CALN1: variants seen among roughly 807,000 people sequenced by gnomAD.
The protein encoded by CALN1 is calneuron 1.
In CALN1, 17 loss-of-function variants were observed where a neutral mutation model predicts 30.6. That is an observed-to-expected ratio of 0.56 (90% CI 0.38 to 0.83). The LOEUF (loss-of-function observed/expected upper bound fraction) is 0.83. Ranked by LOEUF, CALN1 falls within the 40% of genes least tolerant of loss-of-function variation. The pLI, the probability that CALN1 is intolerant of heterozygous loss-of-function variation, is 0.00. For missense variants in CALN1, 291 were observed against 354.9 expected, an observed-to-expected ratio of 0.82 and a Z score of 1.45; for synonymous variants, 156 against 131.4, an observed-to-expected ratio of 1.19 and a Z score of -1.28.
rs1236906139 is a variant in CALN1 at position 72,308,373 on chromosome 7, GAGAGAGAGA to G, written c.120-29572_120-29564del. 1.2e-3 allele frequency among the ~76,000 whole-genome samples: 22 copies of G among 18,496 alleles called. 1 individual carries two copies. The highest frequency in any genetic ancestry group is 3.6e-3 in the African/African-American group (22 of 6,116). The allele number at this position is 18,496 out of a possible 152,430, so 12.1% of individuals were successfully genotyped here. A position where few individuals can be genotyped will look rare whatever the true frequency, so the allele number is the denominator to read the frequency against. ...AGTGAGATGCTGTCTGTGGGGGGGG[GAGAGAGAGA>G]GAGAGAGAGAGAGAGAGAGAGAGGA... On this transcript the variant is annotated intron_variant, in intron 2 of 6. Coordinates refer to ENST00000395275, the MANE Select transcript of CALN1 (RefSeq NM_031468.4).
At chr7:72,218,145 A>T (rs1562754018) in intron 3 of CALN1, among the ~76,000 whole-genome samples, 2 of 151,358 alleles carry the variant, frequency 1.3e-5, no homozygotes, top group Non-Finnish European at 2.9e-5. Flanking sequence ...CTCCGCCAAA[A>T]TTTTTTTTAA....
chr7:71,814,642 C>T (rs1457302738), intron 5 of CALN1, among the ~76,000 whole-genome samples: 2 of 152,128 alleles, frequency 1.3e-5, no homozygotes, highest in African/African-American at 2.4e-5. Context: ...CCAACACCTC[C>T]TCTTCCTCCT....
At chr7:72,365,490 G>A (rs1803824949) in intron 2 of CALN1, among the ~76,000 whole-genome samples, 1 of 152,120 alleles carries the variant, frequency 6.6e-6, no homozygotes, top group South Asian at 2.1e-4. Context: ...TTGTCACCCA[G>A]GCTGGAGTGC....
chr7:72,318,564 G>A (rs1208740098), intron 2 of CALN1, among the ~76,000 whole-genome samples: 3 of 151,994 alleles, frequency 2.0e-5, no homozygotes, highest in Non-Finnish European at 4.4e-5. Context: ...CTTTTGAGAT[G>A]GTGTCTTGCT....
At chr7:72,211,788 C>T (rs1213085801) in intron 3 of CALN1, among the ~76,000 whole-genome samples, 3 of 152,032 alleles carry the variant, frequency 2.0e-5, no homozygotes, top group Non-Finnish European at 4.4e-5. Flanking sequence ...TGGGGTCAGG[C>T]CTGGGTTTGA....
chr7:71,805,680 C>G (rs1239729924), intron 6 of CALN1, among the ~76,000 whole-genome samples: 1 of 152,132 alleles, frequency 6.6e-6, no homozygotes, highest in Non-Finnish European at 1.5e-5. Flanking sequence ...AACTTGCTTC[C>G]TCATAGGCGT....
At chr7:71,835,876 G>A (rs538864295) in intron 5 of CALN1, among the ~76,000 whole-genome samples, 1 of 152,230 alleles carries the variant, frequency 6.6e-6, no homozygotes, top group Admixed American at 6.5e-5. Context: ...TTATATGTGG[G>A]GACAGCTGGG....
chr7:72,315,497 G>A lies in CALN1; in HGVS notation c.120-36687C>T, dbSNP rs921889593. On this transcript the variant is annotated intron_variant, in intron 2 of 6. Coordinates refer to ENST00000395275, the MANE Select transcript of CALN1 (RefSeq NM_031468.4). ...CGAGGCGGGAAGATCACTTGAACCC[G>A]GGAGTTCGGGACCAGCCTGGAAAAC... 5.3e-5 allele frequency among the ~76,000 whole-genome samples: 8 copies of A among 152,032 alleles called. No homozygotes were observed. The East Asian group carries it at 9.7e-4, about 18-fold the overall frequency.
In CALN1 at chr7:71,782,579, C is replaced by T. The variant is rs775290724; in HGVS notation, c.*5196G>A. On this transcript the variant is annotated 3_prime_UTR_variant, in exon 7 of 7. Coordinates refer to ENST00000395275, the MANE Select transcript of CALN1 (RefSeq NM_031468.4). ...GCAGGGCCAAAAAATTGAGGACAAT[C>T]CCGAGTGACTTAGTCAAAGCAAGTA... 3.9e-5 allele frequency: 6 copies of T among 152,066 alleles called. No homozygotes were observed. Among genetic ancestry groups the T allele is most frequent in the Non-Finnish European group, 8.8e-5 (6 of 68,006 alleles). 9.4% of individuals were successfully genotyped at this position (152,066 alleles called of 1,614,324 possible).
chr7:72,445,817 C>T (rs957319857), intron 1 of CALN1, among the ~76,000 whole-genome samples: 1 of 152,122 alleles, frequency 6.6e-6, no homozygotes, highest in African/African-American at 2.4e-5. Context: ...TAGCTGCAAA[C>T]GCGGTAACTA....
chr7:72,396,249 A>G (rs796284095), intron 2 of CALN1, among the ~76,000 whole-genome samples: 63 of 102,824 alleles, frequency 6.1e-4, no homozygotes, highest in African/African-American at 3.1e-3. Flanking sequence ...AAAAAAAAAA[A>G]AAAAAAAAGA....
At chr7:72,093,675 T>A (rs1353191628) in intron 4 of CALN1, among the ~76,000 whole-genome samples, 4 of 152,120 alleles carry the variant, frequency 2.6e-5, no homozygotes, top group Non-Finnish European at 5.9e-5. Context: ...AACACCCTTG[T>A]AAGAACAAAC....
intron 5 of CALN1, among the ~76,000 whole-genome samples, chr7:71,977,642 A>G (rs1798165096): frequency 6.6e-6 from 1 of 152,062 alleles, no homozygotes; most frequent in South Asian, 2.1e-4. Context: ...ACAAAAAGCA[A>G]TGCAAAGAGC....
intron 2 of CALN1, among the ~76,000 whole-genome samples, chr7:72,295,445 G>A (rs561027762): frequency 0.031 from 4,765 of 151,798 alleles, 237 homozygotes; most frequent in African/African-American, 0.11. Flanking sequence ...TCTGTAAATT[G>A]CCTTGGGCAG....
chr7:72,117,643 T>G (rs1808080395), intron 3 of CALN1, among the ~76,000 whole-genome samples: 1 of 152,024 alleles, frequency 6.6e-6, no homozygotes, highest in Non-Finnish European at 1.5e-5. Context: ...GATTTTATTT[T>G]TGGTTTACAT....
intron 2 of CALN1, among the ~76,000 whole-genome samples, chr7:72,350,307 T>TCTAC (rs1485934493): frequency 6.6e-6 from 1 of 152,176 alleles, no homozygotes; most frequent in Non-Finnish European, 1.5e-5. Flanking sequence ...TATGAATCGT[T>TCTAC]CTACCATAAA....
intron 2 of CALN1, among the ~76,000 whole-genome samples, chr7:72,292,683 T>C (rs1251349152): frequency 6.6e-6 from 1 of 151,140 alleles, no homozygotes; most frequent in African/African-American, 2.4e-5. Flanking sequence ...TAGCCAGGCA[T>C]GGTGGCGCAT....
intron 3 of CALN1, among the ~76,000 whole-genome samples, chr7:72,138,628 A>G (rs978746362): frequency 2.6e-5 from 4 of 152,208 alleles, no homozygotes; most frequent in Non-Finnish European, 5.9e-5. Flanking sequence ...GCTAATCTTC[A>G]AAGAGGCTGC....
intron 1 of CALN1, among the ~76,000 whole-genome samples, chr7:72,439,948 G>A (rs1808300449): frequency 1.3e-5 from 2 of 152,144 alleles, no homozygotes; most frequent in Non-Finnish European, 2.9e-5. Context: ...TGCTGTCTCA[G>A]GGGTGGTGGA....
Sources: gnomAD v4.1 joint callset for allele counts (sites outside exome capture counted in the v4.1 genomes callset) on GRCh38, gnomAD v4.1.1 for gene constraint, MANE v1.5 for transcripts, NCBI Gene and HGNC (gene_info 2026-07-23, HGNC 2026-07-21) for gene names.